Variants in WWOX observed in about 807,000 individuals in gnomAD.
WWOX encodes WW domain containing oxidoreductase.
A neutral mutation model predicts 46.2 loss-of-function variants in WWOX; 69 were observed. The observed-to-expected ratio is 1.49, with a 90% CI of 1.23 to 1.82. The LOEUF is 1.82. WWOX is among the 40% of genes most tolerant of loss of function. The probability of loss-of-function intolerance (pLI) is 0.00; values close to 1 mark genes in which losing one functional copy is unlikely to be tolerated. For synonymous variants in WWOX, 359 were observed against 202.6 expected (o/e 1.77, Z -6.56); for missense variants, 919 against 542.6 (o/e 1.69, Z -6.89).
chr16:78,422,887 A>AT lies in WWOX; in HGVS notation c.606-1982dup, dbSNP rs1469635552. Among the ~76,000 whole-genome samples, 40 of 129,074 alleles carry AT rather than the reference A, an allele frequency of 3.1e-4. 1 individual carries two copies. The highest frequency in any genetic ancestry group is 4.3e-4 in the Non-Finnish European group (27 of 62,320). 84.7% of individuals were successfully genotyped at this position (129,074 alleles called of 152,430 possible). On this transcript the variant is annotated intron_variant, in intron 6 of 8. Coordinates refer to ENST00000566780, the MANE Select transcript of WWOX (RefSeq NM_016373.4). ...CACACACACACACACACACACACAT[A>AT]TATTTTTTTTTTCTTTTAGATGGAG...
chr16:78,769,524 C>A, intron 8 of WWOX, among the ~76,000 whole-genome samples: 1 of 143,930 alleles, frequency 6.9e-6, no homozygotes, highest in Admixed American at 7.2e-5. Flanking sequence ...CCCACCCACC[C>A]CCCACATTAT....
chr16:78,820,536 T>G (rs1424424255), intron 8 of WWOX, among the ~76,000 whole-genome samples: 14 of 152,030 alleles, frequency 9.2e-5, no homozygotes. Context: ...AAAATTTAGG[T>G]GGTTTTTATT....
At chr16:78,967,458 G>GTTTT (rs1171337117) in intron 8 of WWOX, among the ~76,000 whole-genome samples, 3 of 91,442 alleles carry the variant, frequency 3.3e-5, no homozygotes, top group Admixed American at 3.0e-4. Flanking sequence ...TAATTTTTGT[G>GTTTT]GTTTTTTTTT....
chr16:78,865,503 C>T (rs1223037731), intron 8 of WWOX, among the ~76,000 whole-genome samples: 2 of 152,132 alleles, frequency 1.3e-5, no homozygotes, highest in African/African-American at 4.8e-5. Context: ...GTTTCCTTTG[C>T]CACAAAATAG....
At chr16:79,096,313 T>TA (rs1480894057) in intron 8 of WWOX, among the ~76,000 whole-genome samples, 1 of 152,148 alleles carries the variant, frequency 6.6e-6, no homozygotes, top group Non-Finnish European at 1.5e-5. Context: ...CGTCCCCTGT[T>TA]ACTCGGAGTG....
rs202182928 is a variant in WWOX at position 78,267,966 on chromosome 16, TG to T, written c.516+103678del. On this transcript the variant is annotated intron_variant, in intron 5 of 8. Transcript: ENST00000566780. ...CTGAGTAGCTGGGACTATAGGTGCG[TG>T]CCCCCACGCCTGGCTAAGTTTTTGT... Among the ~76,000 whole-genome samples, 153 of 152,282 alleles carry T rather than the reference TG, an allele frequency of 1.0e-3. No homozygotes were observed. In the East Asian group the frequency reaches 0.026, roughly 25 times the overall value.
At chr16:78,625,213 G>T (rs539911355) in intron 8 of WWOX, among the ~76,000 whole-genome samples, 1 of 152,156 alleles carries the variant, frequency 6.6e-6, no homozygotes, top group Non-Finnish European at 1.5e-5. Flanking sequence ...GCAGTTCTGC[G>T]TTTAGGCTGG....
intron 8 of WWOX, among the ~76,000 whole-genome samples, chr16:78,574,706 C>G (rs1597290270): frequency 6.6e-6 from 1 of 151,398 alleles, no homozygotes; most frequent in Non-Finnish European, 1.5e-5. Flanking sequence ...CACAGACAGA[C>G]AAAGACATAT....
intron 8 of WWOX, chr16:78,534,272 C>T (rs186333225): frequency 6.6e-6 from 1 of 152,228 alleles, no homozygotes; most frequent in Non-Finnish European, 1.5e-5. Flanking sequence ...AAGAATATAT[C>T]ATCCAGTCAG....
At chr16:78,502,445 C>G (rs1489671327) in intron 8 of WWOX, among the ~76,000 whole-genome samples, 1 of 152,180 alleles carries the variant, frequency 6.6e-6, no homozygotes, top group East Asian at 1.9e-4. Context: ...TGTTAGTCGT[C>G]TCTTGTGTCT....
chr16:79,024,754 T>C (rs2047604132), intron 8 of WWOX, among the ~76,000 whole-genome samples: 1 of 152,114 alleles, frequency 6.6e-6, no homozygotes. Context: ...AAATTTTTCA[T>C]GGAGACAGGG....
chr16:78,716,772 A>G (rs1214420015), intron 8 of WWOX, among the ~76,000 whole-genome samples: 2 of 152,142 alleles, frequency 1.3e-5, no homozygotes, highest in East Asian at 3.9e-4. Context: ...GATCTTCCTT[A>G]TAGTCCTGGA....
chr16:78,199,199 G>A (rs2036152327), intron 5 of WWOX, among the ~76,000 whole-genome samples: 1 of 152,110 alleles, frequency 6.6e-6, no homozygotes, highest in Non-Finnish European at 1.5e-5. Flanking sequence ...TGTAATCCAA[G>A]CTACTCGGGA....
chr16:78,808,402 A>G (rs551887331), intron 8 of WWOX, among the ~76,000 whole-genome samples: 239 of 152,344 alleles, frequency 1.6e-3, no homozygotes, highest in African/African-American at 5.6e-3. Context: ...TAATTTTCAA[A>G]TATGGGTAAA....
At chr16:79,179,891 G>C (rs1412149739) in intron 8 of WWOX, among the ~76,000 whole-genome samples, 3 of 152,196 alleles carry the variant, frequency 2.0e-5, no homozygotes, top group Non-Finnish European at 4.4e-5. Flanking sequence ...ATTTGATTTA[G>C]GTTGGAATTA....
intron 4 of WWOX, among the ~76,000 whole-genome samples, chr16:78,118,444 G>C (rs537661071): frequency 6.6e-6 from 1 of 152,258 alleles, no homozygotes; most frequent in East Asian, 1.9e-4. Context: ...CAACTGTCTG[G>C]ATTGGAGATG....
chr16:78,741,796 A>G (rs752622175), intron 8 of WWOX, among the ~76,000 whole-genome samples: 49 of 152,026 alleles, frequency 3.2e-4, no homozygotes, highest in Non-Finnish European at 6.3e-4. Context: ...CGGAGGTTGC[A>G]GTGAGTTGAG....
chr16:78,206,963 C>G (rs1461972851), intron 5 of WWOX, among the ~76,000 whole-genome samples: 1 of 152,170 alleles, frequency 6.6e-6, no homozygotes, highest in Non-Finnish European at 1.5e-5. Context: ...AAAGTTTAAT[C>G]TGCATAGTGT....
At chr16:78,329,093 T>G (rs746059632) in intron 5 of WWOX, among the ~76,000 whole-genome samples, 1 of 152,124 alleles carries the variant, frequency 6.6e-6, no homozygotes, top group Non-Finnish European at 1.5e-5. Flanking sequence ...ATTCCTGATC[T>G]CACATGATTC....
Sources: allele counts gnomAD v4.1 joint callset (sites outside exome capture counted in the v4.1 genomes callset), GRCh38; gene constraint gnomAD v4.1.1; transcripts MANE v1.5; gene names NCBI Gene and HGNC (gene_info 2026-07-23, HGNC 2026-07-21).